The following HMOX2 variants were observed in gnomAD, a reference collection of about 807,000 sequenced individuals.
The protein encoded by HMOX2 is heme oxygenase (decycling) 2.
Under a neutral mutation model 33.7 loss-of-function variants are expected in HMOX2, and 30 were observed. The observed-to-expected ratio is 0.89, with a 90% CI of 0.67 to 1.21. The LOEUF (loss-of-function observed/expected upper bound fraction) is 1.21. HMOX2 is among the 50% of genes most tolerant of loss of function. The pLI is 0.00. For missense variants in HMOX2, 403 were observed against 399.1 expected (o/e 1.01, Z -0.08); for synonymous variants, 155 against 155.0 (o/e 1.00, Z 0.00).
At chr16:4,485,357 A>G (rs979976230) in intron 1 of HMOX2, among the ~76,000 whole-genome samples, 8 of 152,206 alleles carry the variant, frequency 5.3e-5, no homozygotes, top group Non-Finnish European at 8.8e-5. Flanking sequence ...TTGAGCTTCT[A>G]AGGTATGCAG....
chr16:4,488,851 A>T (rs2058239120), intron 1 of HMOX2: 1 of 143,124 alleles, frequency 7.0e-6, no homozygotes, highest in Non-Finnish European at 1.5e-5. Context: ...TTGAGACAGG[A>T]TCTCACTCTG....
At chr16:4,494,598 G>C (rs777694448) in intron 1 of HMOX2, among the ~76,000 whole-genome samples, 14 of 152,272 alleles carry the variant, frequency 9.2e-5, no homozygotes, top group Non-Finnish European at 1.8e-4. Flanking sequence ...ATAAGTTTGG[G>C]TGGGGTGCAG....
At chr16:4,495,230 A>C (rs181898293) in intron 1 of HMOX2, among the ~76,000 whole-genome samples, 9 of 152,266 alleles carry the variant, frequency 5.9e-5, no homozygotes, top group Admixed American at 1.3e-4. Flanking sequence ...TGCCTTGTGC[A>C]TTAAGATAGT....
intron 1 of HMOX2, among the ~76,000 whole-genome samples, chr16:4,489,791 G>A (rs747493453): frequency 6.6e-6 from 1 of 151,890 alleles, no homozygotes; most frequent in Non-Finnish European, 1.5e-5. Context: ...TTTGGGGGGA[G>A]GTAGCAACAG....
chr16:4,497,451 T>G (rs1030246749), intron 1 of HMOX2, among the ~76,000 whole-genome samples: 3 of 152,210 alleles, frequency 2.0e-5, no homozygotes, highest in African/African-American at 7.2e-5. Context: ...AATCCTCATC[T>G]TCTCAGCCCT....
Position 4,492,066 on chromosome 16 carries a change from A to G in HMOX2, c.-41-13418A>G, listed in dbSNP as rs1180921901. On this transcript the variant is annotated intron_variant, in intron 1 of 5. Transcript: ENST00000570646. ...CAGCATCAAAACTACACTAGGGGCC[A>G]GGTGTGGTGCCTCCTGACTGTAATC... Among the ~76,000 whole-genome samples the G allele has an allele frequency of 3.3e-5, 5 of 152,188 alleles. No homozygotes were observed. In the East Asian group the frequency reaches 9.7e-4, roughly 30 times the overall value.
intron 2 of HMOX2, 133 bp downstream of exon 2, chr16:4,505,743 T>C: frequency 1.6e-6 from 1 of 625,340 alleles, no homozygotes; most frequent in East Asian, 2.8e-5. Context: ...GGGTGCCTGC[T>C]TGGCCCTGCA....
At chr16:4,509,279 G>A in intron 4 of HMOX2, 133 bp from the exon 5 acceptor site, 17 of 1,137,950 alleles carry the variant, frequency 1.5e-5, no homozygotes, top group Non-Finnish European at 2.0e-5. Flanking sequence ...GTTTGAGGCT[G>A]CAGTGAGTTA....
chr16:4,505,483 G>C lies in HMOX2; in HGVS notation c.-41-1G>C. 1 of 1,468,422 alleles carries C rather than the reference G, an allele frequency of 6.8e-7. No individual in the cohort carries two copies. Among genetic ancestry groups the C allele is most frequent in the Non-Finnish European group, 9.4e-7 (1 of 1,064,608 alleles). 91.0% of individuals were successfully genotyped at this position (1,468,422 alleles called of 1,614,324 possible). A position where few individuals can be genotyped will look rare whatever the true frequency, so the allele number is the denominator to read the frequency against. ...ATCACCAGCTCCTTGTGTCTCTGCA[G>C]GACCAGAGGAGCGAGAGCAGCAAGA... On this transcript the variant is annotated splice_acceptor_variant, in intron 1 of 5. Transcript: ENST00000570646. LOFTEE classifies it low-confidence loss of function (5UTR_SPLICE).
intron 1 of HMOX2, among the ~76,000 whole-genome samples, chr16:4,482,608 C>T (rs986476077): frequency 6.6e-6 from 1 of 152,188 alleles, no homozygotes. Flanking sequence ...ATACTTCTGA[C>T]CTACTAGCTA....
chr16:4,504,067 G>A lies in HMOX2; in HGVS notation c.-41-1417G>A, dbSNP rs192508609. Among the ~76,000 whole-genome samples the A allele has an allele frequency of 3.8e-3, 573 of 152,320 alleles. 3 individuals carry two copies. The highest frequency in any genetic ancestry group is 5.8e-3 in the Non-Finnish European group (392 of 68,028). On this transcript the variant is annotated intron_variant, in intron 1 of 5. Transcript: ENST00000570646. The stretch of plus-strand genomic sequence containing the variant: ...ATGGAGGATGAGCTTGCCTTGTTAT[G>A]GGACTGTGTTTCCCTGGCTGACAAA...
At position 4,508,129 on chromosome 16, in the gene HMOX2, C is replaced by A; in HGVS notation, c.621C>A (p.Asn207Lys). The A allele has an allele frequency of 1.9e-6, 3 of 1,614,094 alleles. No homozygotes were observed. The highest frequency in any genetic ancestry group is 2.5e-6 in the Non-Finnish European group (3 of 1,180,002). ...AGCAGCTCTACCGGGCCAGGATGAACGCCCTGGACCTGAACATGAAGACCA... is the reference window on the plus strand; with the variant it reads ...AGCAGCTCTACCGGGCCAGGATGAAAGCCCTGGACCTGAACATGAAGACCA... ...QFKQLYRARM[N>K]ALDLNMKTKE... Residue 207 changes from asparagine (N) to lysine (K), a missense_variant, in exon 4 of 6, where the codon AAC (asparagine) becomes AAA (lysine). Asn to Lys is a moderately conservative substitution (Grantham distance 94). Transcript: ENST00000570646.
In HMOX2 at chr16:4,510,113, TA is replaced by T; in HGVS notation, c.*359del. 1 of 266,566 alleles carries T rather than the reference TA, an allele frequency of 3.8e-6. No individual in the cohort carries two copies. Among genetic ancestry groups the T allele is most frequent in the South Asian group, 7.1e-5 (1 of 14,002 alleles). 16.5% of individuals were successfully genotyped at this position (266,566 alleles called of 1,614,324 possible). A position where few individuals can be genotyped will look rare whatever the true frequency, so the allele number is the denominator to read the frequency against. ...TCCCCTGTTGGAGGTGAGTGGCCTG[TA>T]AGTCCAAGCTGTGCGAGGGGGCCTT... is the stretch of plus-strand genomic sequence containing the variant. On this transcript the variant is annotated 3_prime_UTR_variant, in exon 6 of 6. Coordinates refer to ENST00000570646, the MANE Select transcript of HMOX2 (RefSeq NM_002134.4).
chr16:4,481,121 C>A (rs1348224137), intron 1 of HMOX2, among the ~76,000 whole-genome samples: 1 of 150,856 alleles, frequency 6.6e-6, no homozygotes, highest in African/African-American at 2.4e-5. Flanking sequence ...CGGAGGCGGG[C>A]GGATCACGAG....
chr16:4,506,680 T>C (rs2058701011), intron 2 of HMOX2, among the ~76,000 whole-genome samples: 1 of 152,230 alleles, frequency 6.6e-6, no homozygotes, highest in Non-Finnish European at 1.5e-5. Flanking sequence ...TTATCCCTTG[T>C]GTCCTGAGTC....
rs2058709489 is a variant in HMOX2 at position 4,506,963 on chromosome 16, A to G, written c.155A>G (p.Gln52Arg). 6.2e-7 allele frequency: 1 copy of G among 1,614,054 alleles called. No homozygotes were observed. The highest frequency in any genetic ancestry group is 8.5e-7 in the Non-Finnish European group (1 of 1,179,938). The change falls in exon 3 of 6, where the codon CAG (glutamine) becomes CGG (arginine). Residue 52 changes from glutamine (Q) to arginine (R), a missense_variant. Transcript: ENST00000570646. ...GCACACGACCGGGCAGAAAACACCC[A>G]GTTTGTCAAGGACTTCTTGAAAGGC... The part of the protein sequence containing the change: ...KEAHDRAENT[Q>R]FVKDFLKGNI...
intron 2 of HMOX2, among the ~76,000 whole-genome samples, chr16:4,506,176 T>C (rs1366497655): frequency 2.0e-5 from 3 of 152,212 alleles, no homozygotes; most frequent in African/African-American, 4.8e-5. Context: ...AGCCAGACCA[T>C]GATAAGGCCA....
At chr16:4,499,225 C>G (rs1362626) in intron 1 of HMOX2, among the ~76,000 whole-genome samples, 100,114 of 152,148 alleles carry the variant, frequency 0.66, 33,719 homozygotes, top group Non-Finnish European at 0.73. Flanking sequence ...TGCATTTTGT[C>G]AAACATTCAT....
upstream of HMOX2, chr16:4,476,351 C>T (rs143321411): frequency 2.8e-4 from 42 of 152,418 alleles, no homozygotes; most frequent in African/African-American, 9.9e-4. Flanking sequence ...ATCTCTAGGC[C>T]CCGCCCCGCG....
Sources: gnomAD v4.1 joint callset for allele counts (sites outside exome capture counted in the v4.1 genomes callset) on GRCh38, gnomAD v4.1.1 for gene constraint, MANE v1.5 for transcripts, NCBI Gene and HGNC (gene_info 2026-07-23, HGNC 2026-07-21) for gene names.